Variants in CSMD2 observed in about 807,000 individuals in gnomAD.
CSMD2 encodes CUB and Sushi multiple domains 2.
In CSMD2, 130 loss-of-function variants were observed where a neutral mutation model predicts 398.5. The ratio of observed to expected loss-of-function variants is 0.33; its 90% CI spans 0.28 to 0.38. The LOEUF (loss-of-function observed/expected upper bound fraction) is 0.38. Ranked by LOEUF, CSMD2 falls within the 10% of genes least tolerant of loss-of-function variation. The probability of loss-of-function intolerance (pLI) is 1.00; values close to 1 mark genes in which losing one functional copy is unlikely to be tolerated. For missense variants in CSMD2, 3,829 were observed against 4,764.9 expected (o/e 0.80, Z 5.78); for synonymous variants, 1,828 against 1,908.5 (o/e 0.96, Z 1.10).
intron 1 of CSMD2, among the ~76,000 whole-genome samples, chr1:34,096,975 C>G: frequency 6.7e-6 from 1 of 150,012 alleles, no homozygotes; most frequent in East Asian, 2.0e-4. Flanking sequence ...GCCAAAAGAA[C>G]AAAGCTGGAG....
intron 5 of CSMD2, among the ~76,000 whole-genome samples, chr1:33,902,477 A>T (rs1437698675): frequency 6.6e-6 from 1 of 152,122 alleles, no homozygotes; most frequent in African/African-American, 2.4e-5. Context: ...ATCCACAGTG[A>T]GCTGTAAAAA....
At chr1:33,546,413 G>C (rs1396505664) in intron 56 of CSMD2, among the ~76,000 whole-genome samples, 194 bp from the exon 57 acceptor site, 3 of 152,202 alleles carry the variant, frequency 2.0e-5, no homozygotes, top group African/African-American at 7.2e-5. Flanking sequence ...GAGGCCATGG[G>C]TAAGTCCCTG....
intron 12 of CSMD2, among the ~76,000 whole-genome samples, chr1:33,773,030 C>A (rs971820274): frequency 6.6e-6 from 1 of 152,168 alleles, no homozygotes; most frequent in South Asian, 2.1e-4. Context: ...TGTTTTGATC[C>A]CTTACCCCTC....
chr1:33,748,964 G>A (rs1426749959), intron 13 of CSMD2, among the ~76,000 whole-genome samples: 1 of 151,820 alleles, frequency 6.6e-6, no homozygotes, highest in African/African-American at 2.4e-5. Context: ...TCTGTTCACA[G>A]TACAAATAAA....
chr1:33,715,049 A>C (rs1263988102), intron 20 of CSMD2, among the ~76,000 whole-genome samples: 2 of 152,094 alleles, frequency 1.3e-5, no homozygotes, highest in Non-Finnish European at 2.9e-5. Flanking sequence ...GGCGGTCTGC[A>C]CCCACTCCTG....
intron 9 of CSMD2, 72 bp downstream of exon 9, chr1:33,819,641 T>C (rs1657875921): frequency 6.9e-7 from 1 of 1,451,778 alleles, no homozygotes; most frequent in Admixed American, 1.9e-5. Flanking sequence ...CCTCAGGTGC[T>C]GGGAGCTGGG....
chr1:33,568,537 C>G (rs929155144), intron 52 of CSMD2, among the ~76,000 whole-genome samples: 1 of 152,186 alleles, frequency 6.6e-6, no homozygotes, highest in Non-Finnish European at 1.5e-5. Flanking sequence ...GCACCATTGT[C>G]TACATTAAGG....
intron 12 of CSMD2, among the ~76,000 whole-genome samples, chr1:33,780,343 T>A (rs950689040): frequency 5.9e-5 from 9 of 152,186 alleles, no homozygotes; most frequent in African/African-American, 2.2e-4. Context: ...CTTCTGATTA[T>A]GCGAAGGGCA....
In CSMD2 at chr1:34,133,261, A is replaced by T. The variant is rs144153431; in HGVS notation, c.187+31650T>A. On this transcript the variant is annotated intron_variant, in intron 1 of 70. Transcript: ENST00000373381. ...TGTGAATGATATCATCCCAGTATCT[A>T]GCACTGAACTCTGCACTTGAAGTTG... Among the ~76,000 whole-genome samples, 431 of 152,322 alleles carry T rather than the reference A, an allele frequency of 2.8e-3. 4 individuals carry two copies. The highest frequency in any genetic ancestry group is 0.01 in the African/African-American group (427 of 41,580).
chr1:33,810,226 A>C (rs191851796), intron 10 of CSMD2, among the ~76,000 whole-genome samples: 40 of 152,358 alleles, frequency 2.6e-4, no homozygotes, highest in African/African-American at 9.6e-4. Context: ...AACATGAAAA[A>C]ATGTATGTAG....
chr1:33,781,477 G>A (rs1045021378), intron 12 of CSMD2, among the ~76,000 whole-genome samples: 6 of 152,204 alleles, frequency 3.9e-5, no homozygotes, highest in African/African-American at 1.4e-4. Context: ...ACACATCACA[G>A]GGCCTTAGAA....
rs183905681 is a variant in CSMD2 at position 33,893,974 on chromosome 1, T to C, written c.920+24120A>G. ...TGCTAGAAGGGCAGGAGATCAAACATATCCCGATGTGGGGTCTACAGCTGT... is the reference window on the plus strand; with the variant it reads ...TGCTAGAAGGGCAGGAGATCAAACACATCCCGATGTGGGGTCTACAGCTGT... On this transcript the variant is annotated intron_variant, in intron 5 of 70. Coordinates refer to ENST00000373381, the MANE Select transcript of CSMD2 (RefSeq NM_001281956.2). 1.3e-3 allele frequency among the ~76,000 whole-genome samples: 196 copies of C among 152,306 alleles called. 2 individuals carry two copies. The highest frequency in any genetic ancestry group is 4.5e-3 in the African/African-American group (189 of 41,560).
chr1:33,687,248 G>A (rs1645089635), intron 25 of CSMD2, among the ~76,000 whole-genome samples: 1 of 152,092 alleles, frequency 6.6e-6, no homozygotes. Context: ...AGTTGACACA[G>A]GGAAAAACTG....
chr1:33,575,820 T>G (rs1441480752), intron 49 of CSMD2, among the ~76,000 whole-genome samples: 1 of 152,158 alleles, frequency 6.6e-6, no homozygotes, highest in African/African-American at 2.4e-5. Context: ...TAGCACATTG[T>G]TTTTGTTCTT....
At chr1:33,825,846 G>A (rs1658746024) in intron 6 of CSMD2, 72 bp from the exon 7 acceptor site, 1 of 1,257,312 alleles carries the variant, frequency 8.0e-7, no homozygotes, top group Non-Finnish European at 1.1e-6. Flanking sequence ...CCTCTAGAAG[G>A]ATTCCCCCTT....
chr1:33,921,517 G>A (rs759331590), intron 4 of CSMD2, among the ~76,000 whole-genome samples: 29 of 152,186 alleles, frequency 1.9e-4, no homozygotes, highest in Non-Finnish European at 2.6e-4. Context: ...AACTGTCTTC[G>A]CCCTGGGCAC....
chr1:33,550,873 A>G (rs1657381111), intron 55 of CSMD2, among the ~76,000 whole-genome samples: 2 of 152,166 alleles, frequency 1.3e-5, no homozygotes, highest in Admixed American at 1.3e-4. Context: ...AGCTGTGAAA[A>G]CAAGTGAGAA....
chr1:34,140,335 C>T (rs1457816120), intron 1 of CSMD2, among the ~76,000 whole-genome samples: 3 of 30,012 alleles, frequency 1.0e-4, no homozygotes, highest in Non-Finnish European at 2.0e-4. Flanking sequence ...AACCCAGCGG[C>T]AGAAGAAAGC....
chr1:33,884,949 A>G lies in CSMD2; in HGVS notation c.920+33145T>C, dbSNP rs1001738625. 2.0e-5 allele frequency: 3 copies of G among 152,242 alleles called. No individual in the cohort carries two copies. The East Asian group carries it at 5.8e-4, about 29-fold the overall frequency. 9.4% of individuals were successfully genotyped at this position (152,242 alleles called of 1,614,324 possible). A position where few individuals can be genotyped will look rare whatever the true frequency, so the allele number is the denominator to read the frequency against. ...ATTGTCCCTGCTCCCAATCCAGCTC[A>G]CTGTCCAATTCAGCATGGACAGGAG... On this transcript the variant is annotated intron_variant, in intron 5 of 70. Coordinates refer to ENST00000373381, the MANE Select transcript of CSMD2 (RefSeq NM_001281956.2).
Sources: allele counts gnomAD v4.1 joint callset (sites outside exome capture counted in the v4.1 genomes callset), GRCh38; gene constraint gnomAD v4.1.1; transcripts MANE v1.5; gene names NCBI Gene and HGNC (gene_info 2026-07-23, HGNC 2026-07-21).